LPIN2: variants seen among roughly 807,000 people sequenced by gnomAD.
The protein encoded by LPIN2 is lipin 2.
A neutral mutation model predicts 111.4 loss-of-function variants in LPIN2; 55 were observed. The observed-to-expected ratio is 0.49, with a 90% CI of 0.40 to 0.62. The LOEUF (loss-of-function observed/expected upper bound fraction) is 0.62. Among genes scored for constraint, LPIN2 ranks in the 20% least tolerant of loss-of-function variants. LPIN2 has a pLI of 0.00. For missense variants in LPIN2, 992 were observed against 1,112.1 expected, an observed-to-expected ratio of 0.89 and a Z score of 1.54; for synonymous variants, 425 against 414.0, an observed-to-expected ratio of 1.03 and a Z score of -0.32.
rs561375970 is a variant in LPIN2 at position 2,920,208 on chromosome 18, G to GT, written c.*84dup. 6.0e-4 allele frequency: 934 copies of GT among 1,568,760 alleles called. 8 individuals carry two copies. The African/African-American group carries it at 9.6e-3, about 16-fold the overall frequency. On this transcript the variant is annotated 3_prime_UTR_variant, in exon 20 of 20. Coordinates refer to ENST00000677752, the MANE Select transcript of LPIN2 (RefSeq NM_001375808.2). ...CACCCGTCCCCGCTGGGGAAGGCTGGTATCTGAGGTCAGCAGAAGAGCCAG... is the reference window on the plus strand; with the variant it reads ...CACCCGTCCCCGCTGGGGAAGGCTGGTTATCTGAGGTCAGCAGAAGAGCCAG...
At chr18:2,933,888 G>A (rs1048736890) in intron 8 of LPIN2, among the ~76,000 whole-genome samples, 4 of 152,200 alleles carry the variant, frequency 2.6e-5, no homozygotes, top group Non-Finnish European at 4.4e-5. Flanking sequence ...GGGACACGGG[G>A]CGCGGGGGCA....
chr18:2,931,434 C>G lies in LPIN2; in HGVS notation c.1278G>C (p.Glu426Asp), dbSNP rs771520441. Residue 426 changes from glutamate to aspartate, a missense_variant, in exon 9 of 20, where the codon GAG (glutamate) becomes GAC (aspartate). Physicochemically the swap from Glu to Asp is conservative, Grantham distance 45. Transcript: ENST00000677752. ...AALYFPKSES[E>D]PGSRQWPESD... is the part of the protein sequence containing the mutation. ...ACTCGGGCCACTGCCTGGAACCGGG[C>G]TCCGATTCACTGTGGACAGGGGATG... The G allele has an allele frequency of 6.3e-7, 1 of 1,586,916 alleles. No individual in the cohort carries two copies. The highest frequency in any genetic ancestry group is 8.6e-7 in the Non-Finnish European group (1 of 1,166,418).
At chr18:2,947,634 G>A (rs1338556550) in intron 4 of LPIN2, among the ~76,000 whole-genome samples, 2 of 152,084 alleles carry the variant, frequency 1.3e-5, no homozygotes, top group African/African-American at 4.8e-5. Context: ...GAAAAGTAAA[G>A]AATTTAAACG....
intron 3 of LPIN2, among the ~76,000 whole-genome samples, chr18:2,953,384 T>A (rs1303740690): frequency 6.6e-6 from 1 of 152,176 alleles, no homozygotes; most frequent in Non-Finnish European, 1.5e-5. Flanking sequence ...TCATTTATTA[T>A]GTTTCATTCT....
chr18:3,009,945 G>T (rs2078575322), intron 1 of LPIN2, among the ~76,000 whole-genome samples: 1 of 151,984 alleles, frequency 6.6e-6, no homozygotes, highest in South Asian at 2.1e-4. Context: ...CCTCCCAACA[G>T]ATTTTTTTTT....
In LPIN2 at chr18:2,918,401, T is replaced by C. The variant is rs1404811786; in HGVS notation, c.*1892A>G. ...AAGCTCAGTTAAACACACAAAGCTC[T>C]CATTCTTCCTCTAAATAGAAGGTAG... On this transcript the variant is annotated 3_prime_UTR_variant, in exon 20 of 20. Transcript: ENST00000677752. 6.6e-6 allele frequency: 1 copy of C among 152,216 alleles called. No individual in the cohort carries two copies. 9.4% of individuals were successfully genotyped at this position (152,216 alleles called of 1,614,324 possible). A position where few individuals can be genotyped will look rare whatever the true frequency, so the allele number is the denominator to read the frequency against.
intron 5 of LPIN2, among the ~76,000 whole-genome samples, chr18:2,940,143 T>C (rs180724033): frequency 1.1e-3 from 156 of 138,316 alleles, no homozygotes; most frequent in African/African-American, 3.5e-3. Flanking sequence ...CTGGGCAAAA[T>C]AGCGAGACTC....
At chr18:2,985,607 T>C (rs938156221) in intron 1 of LPIN2, among the ~76,000 whole-genome samples, 1 of 152,166 alleles carries the variant, frequency 6.6e-6, no homozygotes, top group African/African-American at 2.4e-5. Context: ...GTAAAATATA[T>C]ACCTTCTTTG....
chr18:2,967,449 C>G (rs2077824822), intron 1 of LPIN2: 1 of 152,234 alleles, frequency 6.6e-6, no homozygotes, highest in African/African-American at 2.4e-5. Context: ...CGCAAAGGTA[C>G]CCACGCAGCA....
intron 18 of LPIN2, chr18:2,921,243 G>C (rs1419591823): frequency 2.0e-5 from 11 of 559,864 alleles, no homozygotes; most frequent in Non-Finnish European, 3.2e-6. Context: ...CAAGGACGCA[G>C]CTCAGAACTG....
At chr18:2,975,720 GTGTA>G (rs2078002026) in intron 1 of LPIN2, among the ~76,000 whole-genome samples, 1 of 152,180 alleles carries the variant, frequency 6.6e-6, no homozygotes, top group African/African-American at 2.4e-5. Context: ...TAAAAGAATT[GTGTA>G]GTAAACCTAT....
intron 2 of LPIN2, among the ~76,000 whole-genome samples, chr18:2,958,928 CAA>C (rs576986535): frequency 1.4e-5 from 2 of 138,204 alleles, no homozygotes; most frequent in African/African-American, 2.7e-5. Context: ...ACAATCTCAG[CAA>C]AAAAAAAAAA....
At chr18:3,007,448 G>A (rs2078532948) in intron 1 of LPIN2, among the ~76,000 whole-genome samples, 1 of 152,226 alleles carries the variant, frequency 6.6e-6, no homozygotes, top group Non-Finnish European at 1.5e-5. Context: ...TGGGATTACA[G>A]GCGTAAGCCA....
At chr18:3,012,902 G>A (rs1204460539) in intron 1 of LPIN2, among the ~76,000 whole-genome samples, 185 bp downstream of exon 1, 1 of 151,518 alleles carries the variant, frequency 6.6e-6, no homozygotes, top group Admixed American at 6.6e-5. Context: ...GCGGGGACTG[G>A]GACGCGAGGA....
intron 1 of LPIN2, among the ~76,000 whole-genome samples, chr18:3,010,413 T>A (rs1439785785): frequency 6.6e-6 from 1 of 152,132 alleles, no homozygotes; most frequent in Non-Finnish European, 1.5e-5. Context: ...TACCAACTTG[T>A]GAGTTGTTTC....
At chr18:2,979,740 T>TC (rs564034252) in intron 1 of LPIN2, among the ~76,000 whole-genome samples, 5 of 152,122 alleles carry the variant, frequency 3.3e-5, no homozygotes, top group South Asian at 4.2e-4. Context: ...CCAAAACTAC[T>TC]CCCCCCCAAA....
Position 2,951,312 on chromosome 18 carries a change from T to G in LPIN2, c.333A>C (p.Glu111Asp), listed in dbSNP as rs768806171. Reference sequence around the variant, plus strand: ...TGTCAATATCTTTAAAGAACTGATCTTCAGTAGGAATTGGTGAGGTGGCAA... The same window carrying G: ...TGTCAATATCTTTAAAGAACTGATCGTCAGTAGGAATTGGTGAGGTGGCAA... ...AYLATSPIPTEDQFFKDIDTP... is the reference protein window; with the variant it reads ...AYLATSPIPTDDQFFKDIDTP... Residue 111 changes from glutamate (E) to aspartate (D), a missense_variant, in exon 4 of 20, where the codon GAA becomes GAC. By Grantham distance (45) the Glu-to-Asp change is conservative (BLOSUM62 2). This residue lies in a region of LPIN2 where 709 missense variants were observed against 753.2 expected (regional missense o/e 0.94). Transcript: ENST00000677752. 9 of 1,614,018 alleles carry G rather than the reference T, an allele frequency of 5.6e-6. No individual in the cohort carries two copies. In the Admixed American group the frequency reaches 1.5e-4, roughly 27 times the overall value.
chr18:2,961,497 C>T (rs965540549), intron 1 of LPIN2, among the ~76,000 whole-genome samples: 4 of 152,172 alleles, frequency 2.6e-5, no homozygotes, highest in African/African-American at 9.7e-5. Context: ...CAATCAAGTT[C>T]TACAAAGTTC....
intron 1 of LPIN2, among the ~76,000 whole-genome samples, chr18:3,000,650 T>A (rs542831262): frequency 2.6e-5 from 4 of 152,304 alleles, no homozygotes; most frequent in African/African-American, 9.6e-5. Context: ...GGGAGAGGCC[T>A]CACCAGGATT....
Sources: allele counts gnomAD v4.1 joint callset (sites outside exome capture counted in the v4.1 genomes callset), GRCh38; gene constraint gnomAD v4.1.1; regional missense constraint gnomAD v4.1.1; transcripts MANE v1.5; gene names NCBI Gene and HGNC (gene_info 2026-07-23, HGNC 2026-07-21).